MBOAT1: variants seen among roughly 807,000 people sequenced by gnomAD.
The protein encoded by MBOAT1 is membrane-bound glycerophospholipid O-acyltransferase 1.
Under a neutral mutation model 64.4 loss-of-function variants are expected in MBOAT1, and 67 were observed. The observed-to-expected ratio is 1.04, with a 90% CI of 0.85 to 1.27. The LOEUF is 1.27. MBOAT1 is among the 50% of genes most tolerant of loss of function. The pLI is 0.00. For missense variants in MBOAT1, 563 were observed against 604.6 expected, an observed-to-expected ratio of 0.93 and a Z score of 0.72; for synonymous variants, 229 against 218.9, an observed-to-expected ratio of 1.05 and a Z score of -0.41.
chr6:20,174,783 T>C (rs1762295036), intron 1 of MBOAT1, among the ~76,000 whole-genome samples: 1 of 152,208 alleles, frequency 6.6e-6, no homozygotes, highest in Non-Finnish European at 1.5e-5. Flanking sequence ...AGTACATGAC[T>C]GTATATGAAA....
At chr6:20,198,005 C>T (rs894616924) in intron 1 of MBOAT1, among the ~76,000 whole-genome samples, 1 of 151,910 alleles carries the variant, frequency 6.6e-6, no homozygotes, top group Non-Finnish European at 1.5e-5. Flanking sequence ...GCGGGTGAAA[C>T]ACTTGAGGTC....
chr6:20,176,987 T>C (rs1034794090), intron 1 of MBOAT1, among the ~76,000 whole-genome samples: 1 of 152,222 alleles, frequency 6.6e-6, no homozygotes, highest in Non-Finnish European at 1.5e-5. Context: ...TCATTCATTA[T>C]AATTATGGTC....
intron 1 of MBOAT1, among the ~76,000 whole-genome samples, chr6:20,166,609 A>C (rs2113717446): frequency 1.3e-5 from 2 of 152,248 alleles, no homozygotes; most frequent in South Asian, 4.1e-4. Flanking sequence ...TCTGCTCAGC[A>C]GCATCAGTAA....
chr6:20,123,488 T>A (rs559011478), intron 8 of MBOAT1, among the ~76,000 whole-genome samples: 2 of 152,110 alleles, frequency 1.3e-5, no homozygotes, highest in Non-Finnish European at 2.9e-5. Flanking sequence ...TAAAGCTTTA[T>A]GCAACTGCAG....
intron 10 of MBOAT1, among the ~76,000 whole-genome samples, 186 bp from the exon 11 acceptor site, chr6:20,113,194 T>C (rs1760224865): frequency 6.6e-6 from 1 of 152,236 alleles, no homozygotes; most frequent in African/African-American, 2.4e-5. Flanking sequence ...TCCTTAAGCA[T>C]TACCAGATAG....
intron 6 of MBOAT1, among the ~76,000 whole-genome samples, chr6:20,127,061 C>T (rs1024980395): frequency 6.6e-6 from 1 of 152,188 alleles, no homozygotes; most frequent in Admixed American, 6.5e-5. Context: ...CGGAACCTGA[C>T]CTAATGTTAG....
intron 1 of MBOAT1, among the ~76,000 whole-genome samples, chr6:20,168,073 T>C (rs1189284194): frequency 6.6e-6 from 1 of 152,166 alleles, no homozygotes; most frequent in Non-Finnish European, 1.5e-5. Context: ...AACGGGTGTG[T>C]CCTAAATCTA....
At chr6:20,137,908 A>G (rs1304935695) in intron 4 of MBOAT1, among the ~76,000 whole-genome samples, 1 of 152,220 alleles carries the variant, frequency 6.6e-6, no homozygotes, top group Non-Finnish European at 1.5e-5. Context: ...CAACTTCAAA[A>G]TACTACTTTA....
intron 3 of MBOAT1, among the ~76,000 whole-genome samples, chr6:20,150,813 C>T (rs1048542538): frequency 6.6e-6 from 1 of 151,790 alleles, no homozygotes; most frequent in Non-Finnish European, 1.5e-5. Context: ...AACTCTTGAC[C>T]TCAGGCAATC....
At position 20,164,180 on chromosome 6, in the gene MBOAT1, C is replaced by CAG. The variant is rs1405240474; in HGVS notation, c.100-11412_100-11411insCT. Among the ~76,000 whole-genome samples the CAG allele has an allele frequency of 2.2e-5, 3 of 137,616 alleles. No individual in the cohort carries two copies. In the South Asian group the frequency reaches 6.4e-4, roughly 29 times the overall value. 90.3% of individuals were successfully genotyped at this position (137,616 alleles called of 152,430 possible). On this transcript the variant is annotated intron_variant, in intron 1 of 12. Coordinates refer to ENST00000324607, the MANE Select transcript of MBOAT1 (RefSeq NM_001080480.3). The stretch of plus-strand genomic sequence containing the variant: ...TATAGAATGTATGTGCATGTACACA[C>CAG]ACACACACACACACACACACACACA...
At chr6:20,181,155 G>A (rs1159333375) in intron 1 of MBOAT1, among the ~76,000 whole-genome samples, 1 of 152,220 alleles carries the variant, frequency 6.6e-6, no homozygotes, top group African/African-American at 2.4e-5. Flanking sequence ...AGTGGGGAGA[G>A]ATGAATTATG....
chr6:20,209,690 G>A (rs527731797), intron 1 of MBOAT1, among the ~76,000 whole-genome samples: 1 of 152,286 alleles, frequency 6.6e-6, no homozygotes, highest in East Asian at 1.9e-4. Context: ...CATATCCCAG[G>A]CCAATCAAAA....
chr6:20,162,191 G>A lies in MBOAT1; in HGVS notation c.100-9422C>T, dbSNP rs145384295. ...ACATTCTGAGGGACTCGGGGTTTAG[G>A]ACTTCAACATTTAAATTTTGGGGGA... On this transcript the variant is annotated intron_variant, in intron 1 of 12. Coordinates refer to ENST00000324607, the MANE Select transcript of MBOAT1 (RefSeq NM_001080480.3). 3.3e-5 allele frequency among the ~76,000 whole-genome samples: 5 copies of A among 152,276 alleles called. No homozygotes were observed. The East Asian group carries it at 7.7e-4, about 24-fold the overall frequency.
At chr6:20,206,167 C>A (rs1581470868) in intron 1 of MBOAT1, among the ~76,000 whole-genome samples, 1 of 151,990 alleles carries the variant, frequency 6.6e-6, no homozygotes, top group South Asian at 2.1e-4. Flanking sequence ...TGCTGCTTTG[C>A]ACTGTTTTCT....
At chr6:20,143,596 C>T (rs1298013896) in intron 4 of MBOAT1, among the ~76,000 whole-genome samples, 3 of 152,106 alleles carry the variant, frequency 2.0e-5, no homozygotes, top group Admixed American at 1.3e-4. Flanking sequence ...AGACCTGGAG[C>T]CTCTCAGAAG....
At position 20,099,765 on chromosome 6, in the gene MBOAT1, T is replaced by C. The variant is rs1759742131; in HGVS notation, c.*2521A>G. Among the ~76,000 whole-genome samples the C allele has an allele frequency of 2.0e-5, 3 of 152,198 alleles. No homozygotes were observed. The highest frequency in any genetic ancestry group is 2.0e-4 in the Admixed American group (3 of 15,272). ...AAGCTCACATTCCAATAAGTATTTATGAACTGCATCTTATATTTAGGACAA... is the reference window on the plus strand; with the variant it reads ...AAGCTCACATTCCAATAAGTATTTACGAACTGCATCTTATATTTAGGACAA... On this transcript the variant is annotated 3_prime_UTR_variant, in exon 13 of 13. Coordinates refer to ENST00000324607, the MANE Select transcript of MBOAT1 (RefSeq NM_001080480.3).
chr6:20,114,842 C>A (rs1760272765), intron 10 of MBOAT1, among the ~76,000 whole-genome samples: 1 of 151,094 alleles, frequency 6.6e-6, no homozygotes, highest in African/African-American at 2.4e-5. Flanking sequence ...AGAGATTGCA[C>A]CATTGCACTC....
intron 1 of MBOAT1, among the ~76,000 whole-genome samples, chr6:20,197,471 G>A (rs2182786): frequency 0.49 from 74,445 of 152,002 alleles, 20,545 homozygotes; most frequent in Non-Finnish European, 0.61. Flanking sequence ...AATGCATACC[G>A]GATGGCTTCC....
At chr6:20,133,425 C>T (rs1462495098) in intron 4 of MBOAT1, among the ~76,000 whole-genome samples, 1 of 152,220 alleles carries the variant, frequency 6.6e-6, no homozygotes, top group East Asian at 1.9e-4. Flanking sequence ...AGACTTCTGA[C>T]CCATAACATG....
Sources: gnomAD v4.1 joint callset for allele counts (sites outside exome capture counted in the v4.1 genomes callset) on GRCh38, gnomAD v4.1.1 for gene constraint, MANE v1.5 for transcripts, NCBI Gene and HGNC (gene_info 2026-07-23, HGNC 2026-07-21) for gene names.